PC: variants seen among roughly 807,000 people sequenced by gnomAD.
PC encodes the protein pyruvate carboxylase, mitochondrial.
In PC, 46 loss-of-function variants were observed where a neutral mutation model predicts 107.8. The ratio of observed to expected loss-of-function variants is 0.43; its 90% confidence interval spans 0.34 to 0.55. The LOEUF (loss-of-function observed/expected upper bound fraction) is 0.55. Ranked by LOEUF, PC falls within the 20% of genes least tolerant of loss-of-function variation. PC has a pLI of 0.04. For synonymous variants in PC, 662 were observed against 684.7 expected, an observed-to-expected ratio of 0.97 and a Z score of 0.52; for missense variants, 1,241 against 1,643.1, an observed-to-expected ratio of 0.76 and a Z score of 4.23.
At chr11:66,880,469 A>G (rs1947147206) in intron 3 of PC, among the ~76,000 whole-genome samples, 1 of 152,154 alleles carries the variant, frequency 6.6e-6, no homozygotes. Context: ...GGAGGCACCT[A>G]TGGTGACCCT....
chr11:66,851,991 G>C, intron 15 of PC, 45 bp from the exon 16 acceptor site: 1 of 1,604,608 alleles, frequency 6.2e-7, no homozygotes, highest in Non-Finnish European at 8.5e-7. Context: ...CATGCCTGGG[G>C]AACTCCACCA....
At chr11:66,877,761 G>C (rs989470291) in intron 3 of PC, among the ~76,000 whole-genome samples, 1 of 152,212 alleles carries the variant, frequency 6.6e-6, no homozygotes, top group African/African-American at 2.4e-5. Context: ...GTTTGCACAG[G>C]TTTTGATGAC....
intron 3 of PC, among the ~76,000 whole-genome samples, chr11:66,909,399 AG>A (rs1213821847): frequency 6.6e-6 from 1 of 152,320 alleles, no homozygotes; most frequent in East Asian, 1.9e-4. Flanking sequence ...CTCAGCACAC[AG>A]AGATCATGCA....
Position 66,871,389 on chromosome 11 carries a change from A to G in PC, c.413T>C (p.Phe138Ser). 6.2e-7 allele frequency: 1 copy of G among 1,613,728 alleles called. No homozygotes were observed. The highest frequency in any genetic ancestry group is 8.5e-7 in the Non-Finnish European group (1 of 1,180,012). The part of the protein sequence containing the change: ...AQACQDAGVR[F>S]IGPSPEVVRK... ...GACCACTTCTGGGCTTGGCCCAATA[A>G]ACCGGACCCCTGCATCCTGGCAGGC... The change falls in exon 6 of 23, where the codon TTT becomes TCT. Residue 138 changes from phenylalanine to serine, a missense_variant. Transcript: ENST00000393960. The surrounding 1 kb of genome is among the most constrained non-coding windows in gnomAD (Gnocchi z 7.4).
Position 66,848,768 on chromosome 11 carries a change from T to C in PC, c.*131A>G. 8.9e-7 allele frequency: 1 copy of C among 1,124,462 alleles called. No homozygotes were observed. The highest frequency in any genetic ancestry group is 1.3e-6 in the Non-Finnish European group (1 of 756,414). 69.7% of individuals were successfully genotyped at this position (1,124,462 alleles called of 1,614,324 possible). ...GAACCACCGCAGGCGGTGTCTCTCC[T>C]GTCCAGCTGTGGACAGGACCTCCAC... On this transcript the variant is annotated 3_prime_UTR_variant, in exon 23 of 23. Transcript: ENST00000393960.
At chr11:66,855,002 C>T (rs1445693228) in intron 12 of PC, among the ~76,000 whole-genome samples, 1 of 152,276 alleles carries the variant, frequency 6.6e-6, no homozygotes, top group Non-Finnish European at 1.5e-5. Flanking sequence ...CCTGTCCTCA[C>T]ACCCTCGGCA....
intron 12 of PC, among the ~76,000 whole-genome samples, chr11:66,862,884 C>T (rs552085907): frequency 2.0e-5 from 3 of 152,382 alleles, no homozygotes; most frequent in Non-Finnish European, 4.4e-5. Flanking sequence ...GTCTCTGCTG[C>T]GCCCCCACCC....
intron 11 of PC, among the ~76,000 whole-genome samples, chr11:66,865,645 C>T (rs760939317): frequency 1.1e-4 from 16 of 152,196 alleles, no homozygotes; most frequent in Non-Finnish European, 1.9e-4. Context: ...CTCTCTCCCC[C>T]ACCAAGGCTG....
chr11:66,940,261 C>A (rs923564106), intron 3 of PC, among the ~76,000 whole-genome samples: 18 of 148,888 alleles, frequency 1.2e-4, no homozygotes, highest in Non-Finnish European at 1.5e-5. Context: ...TGCAGTCGTA[C>A]AATCTCGACT....
chr11:66,852,433 G>A lies in PC; in HGVS notation c.1825+6C>T. 6.2e-7 allele frequency: 1 copy of A among 1,611,194 alleles called. No individual in the cohort carries two copies. The highest frequency in any genetic ancestry group is 2.2e-5 in the East Asian group (1 of 44,860). ...CTACCAGGCGCTGCGCAGCATGCCA[G>A]CCTACCTCCCCAGTTCTCCATGCTG... On this transcript the variant is annotated splice_donor_region_variant and intron_variant, in intron 15 of 22. Transcript: ENST00000393960. The surrounding 1 kb of genome is among the most constrained non-coding windows in gnomAD (Gnocchi z 4.7).
At position 66,870,305 on chromosome 11, in the gene PC, T is replaced by C; in HGVS notation, c.900A>G (p.Lys300=). Residue 300 remains lysine (K), a synonymous_variant, in exon 9 of 23, where the codon AAA becomes AAG. Coordinates refer to ENST00000393960, the MANE Select transcript of PC (RefSeq NM_001040716.2). This position sits in a 1 kb window ranked among gnomAD's most constrained non-coding sequence, Gnocchi z 6.1. Reference sequence around the variant, plus strand: ...ACACGGGAAGCCCACCCTTCACCTGTTTAGCGAGTTTCACAGAGTCGCTGG... The same window carrying C: ...ACACGGGAAGCCCACCCTTCACCTGCTTAGCGAGTTTCACAGAGTCGCTGG... The part of the protein sequence containing the change: ...RLTSDSVKLA[K]QVGYENAGTV... 2 of 1,613,156 alleles carry C rather than the reference T, an allele frequency of 1.2e-6. No individual in the cohort carries two copies. Among genetic ancestry groups the C allele is most frequent in the Non-Finnish European group, 1.7e-6 (2 of 1,179,978 alleles).
chr11:66,916,601 T>C (rs1212565591), intron 3 of PC, among the ~76,000 whole-genome samples: 1 of 152,004 alleles, frequency 6.6e-6, no homozygotes, highest in Non-Finnish European at 1.5e-5. Context: ...TGGGTAAAGA[T>C]AGGGAACCAA....
At chr11:66,915,987 G>A (rs1026099822) in intron 3 of PC, among the ~76,000 whole-genome samples, 2 of 152,140 alleles carry the variant, frequency 1.3e-5, no homozygotes, top group African/African-American at 4.8e-5. Context: ...CACTCCCTCT[G>A]CTTTGGTCCT....
chr11:66,947,544 G>T (rs1199134188), intron 3 of PC, among the ~76,000 whole-genome samples: 1 of 149,966 alleles, frequency 6.7e-6, no homozygotes, highest in Non-Finnish European at 1.5e-5. Flanking sequence ...CTGTGCGACA[G>T]AGCAAGACTC....
chr11:66,902,401 G>A (rs868645905), intron 3 of PC, among the ~76,000 whole-genome samples: 1 of 152,114 alleles, frequency 6.6e-6, no homozygotes, highest in South Asian at 2.1e-4. Context: ...TGCACTGAGT[G>A]ATTTCTATGA....
Position 66,849,945 on chromosome 11 carries a change from G to T in PC, c.2890C>A (p.Arg964Ser). 1 of 1,613,540 alleles carries T rather than the reference G, an allele frequency of 6.2e-7. No homozygotes were observed. The highest frequency in any genetic ancestry group is 8.5e-7 in the Non-Finnish European group (1 of 1,180,014). Residue 964 changes from arginine (R) to serine (S), a missense_variant, in exon 20 of 23, where the codon CGC (arginine) becomes AGC (serine). By Grantham distance (110) the Arg-to-Ser change is moderately radical. Transcript: ENST00000393960. ...VPHGGFPEPFRSKVLKDLPRV... is the reference protein window; with the variant it reads ...VPHGGFPEPFSSKVLKDLPRV... Reference sequence around the variant, plus strand: ...TGCTGGGCCTTCCCTACCTTAGAGCGAAAGGGTTCGGGGAACCCCCCATGG... The same window carrying T: ...TGCTGGGCCTTCCCTACCTTAGAGCTAAAGGGTTCGGGGAACCCCCCATGG...
At chr11:66,920,252 G>A (rs1447455989) in intron 3 of PC, among the ~76,000 whole-genome samples, 2 of 152,112 alleles carry the variant, frequency 1.3e-5, no homozygotes, top group Non-Finnish European at 2.9e-5. Context: ...CTGCAGAAAG[G>A]TGCCAGGCTA....
In PC at chr11:66,853,397, G is replaced by A; in HGVS notation, c.1369-14C>T. On this transcript the variant is annotated splice_polypyrimidine_tract_variant and intron_variant, in intron 12 of 22. Transcript: ENST00000393960. The stretch of plus-strand genomic sequence containing the variant: ...GGCGATGTTGGTCTGCAGGACAGAG[G>A]CGGGTGGGAGGGGGTCACCATGCAG... 6.2e-7 allele frequency: 1 copy of A among 1,613,722 alleles called. No homozygotes were observed.
rs200434280 is a variant in PC at position 66,866,143 on chromosome 11, T to C, written c.1185+44A>G. 6 of 1,593,254 alleles carry C rather than the reference T, an allele frequency of 3.8e-6. No individual in the cohort carries two copies. The East Asian group carries it at 1.1e-4, about 30-fold the overall frequency. ...AGCCCCAGGCACCAGGCAGAACCTG[T>C]GCACAGGTGAGCTGGCATCTCCCTC... On this transcript the variant is annotated intron_variant, in intron 11 of 22. Coordinates refer to ENST00000393960, the MANE Select transcript of PC (RefSeq NM_001040716.2). The surrounding 1 kb of genome is among the most constrained non-coding windows in gnomAD (Gnocchi z 5.4).
Sources: gnomAD v4.1 joint callset for allele counts (sites outside exome capture counted in the v4.1 genomes callset) on GRCh38, gnomAD v4.1.1 for gene constraint, Gnocchi (gnomAD v3.1) non-coding constraint, MANE v1.5 for transcripts, NCBI Gene and HGNC (gene_info 2026-07-23, HGNC 2026-07-21) for gene names.